Variants in CCDC47 observed in about 807,000 individuals in gnomAD.
CCDC47 encodes the protein PAT complex subunit CCDC47.
CCDC47 carries 41 observed loss-of-function variants against 60.5 expected under a neutral mutation model. The ratio of observed to expected loss-of-function variants is 0.68; its 90% CI spans 0.53 to 0.88. CCDC47 has a LOEUF of 0.88. Ranked by LOEUF, CCDC47 falls within the 40% of genes least tolerant of loss-of-function variation. The pLI is 0.00. For missense variants in CCDC47, 513 were observed against 580.9 expected (o/e 0.88, Z 1.20); for synonymous variants, 195 against 190.7 (o/e 1.02, Z -0.18).
chr17:63,761,161 G>C (rs1259753156), intron 5 of CCDC47, 69 bp downstream of exon 5: 25 of 1,583,428 alleles, frequency 1.6e-5, no homozygotes, highest in African/African-American at 2.7e-5. Context: ...TGCTGAATTG[G>C]GGGGCTGGGA....
chr17:63,753,470 G>A (rs1470569063), intron 9 of CCDC47: 1 of 219,028 alleles, frequency 4.6e-6, no homozygotes, highest in Non-Finnish European at 7.7e-6. Context: ...CTAAAATCCA[G>A]ATTGGCTTGA....
chr17:63,760,924 C>T lies in CCDC47; in HGVS notation c.725G>A (p.Ser242Asn), dbSNP rs368816732. 6.2e-6 allele frequency: 10 copies of T among 1,611,178 alleles called. No homozygotes were observed. Among genetic ancestry groups the T allele is most frequent in the Middle Eastern group, 1.6e-4 (1 of 6,080 alleles). ...NVLARMMRPV[S>N]DQVQIKVTMN... Reference sequence around the variant, plus strand: ...GGGAAGAATACATACCACTTGATCACTCACTGGCCTCATCATCCGGGCCAG... The same window carrying T: ...GGGAAGAATACATACCACTTGATCATTCACTGGCCTCATCATCCGGGCCAG... The change falls in exon 6 of 13, where the codon AGT (serine) becomes AAT (asparagine). Residue 242 changes from serine to asparagine, a missense_variant. Physicochemically the swap from Ser to Asn is conservative, Grantham distance 46. Transcript: ENST00000225726.
At chr17:63,760,125 A>C (rs918119190) in intron 6 of CCDC47, among the ~76,000 whole-genome samples, 2 of 152,070 alleles carry the variant, frequency 1.3e-5, no homozygotes, top group Non-Finnish European at 2.9e-5. Flanking sequence ...AAAGGACACA[A>C]TTTGCAGATA....
Position 63,754,531 on chromosome 17 carries a change from AAAT to A in CCDC47, c.949-16_949-14del, listed in dbSNP as rs550786416. ...GAAAGTGAACCATCTGAAAAAAAGA[AAAT>A]AATATTTTTTAAAAGCAAGGTTTAA... On this transcript the variant is annotated splice_polypyrimidine_tract_variant and intron_variant, in intron 8 of 12. Coordinates refer to ENST00000225726, the MANE Select transcript of CCDC47 (RefSeq NM_020198.3). 315 of 1,552,094 alleles carry A rather than the reference AAAT, an allele frequency of 2.0e-4. No homozygotes were observed. The African/African-American group carries it at 3.7e-3, about 18-fold the overall frequency.
intron 4 of CCDC47, 59 bp downstream of exon 4, chr17:63,763,957 C>A: frequency 7.1e-7 from 1 of 1,415,134 alleles, no homozygotes; most frequent in Non-Finnish European, 9.5e-7. Context: ...GAGGGGAATA[C>A]ATCATCCTTA....
intron 3 of CCDC47, among the ~76,000 whole-genome samples, 174 bp downstream of exon 3, chr17:63,764,564 ATT>A (rs1007349698): frequency 6.9e-6 from 1 of 145,732 alleles, no homozygotes; most frequent in African/African-American, 2.5e-5. Context: ...GTAGGTGTTG[ATT>A]TTTTTTTTTT....
In CCDC47 at chr17:63,746,862, T is replaced by G; in HGVS notation, c.*19A>C. The G allele has an allele frequency of 3.1e-6, 5 of 1,591,064 alleles. No homozygotes were observed. Among genetic ancestry groups the G allele is most frequent in the Non-Finnish European group, 4.3e-6 (5 of 1,159,284 alleles). On this transcript the variant is annotated 3_prime_UTR_variant, in exon 13 of 13. Transcript: ENST00000225726. Reference sequence around the variant, plus strand: ...CAGAGCTTACAGGTGGCATCAGAACTCAAATCTCTGGGATGGCTTTACATG... The same window carrying G: ...CAGAGCTTACAGGTGGCATCAGAACGCAAATCTCTGGGATGGCTTTACATG...
At position 63,746,805 on chromosome 17, in the gene CCDC47, T is replaced by A; in HGVS notation, c.*76A>T. On this transcript the variant is annotated 3_prime_UTR_variant, in exon 13 of 13. Transcript: ENST00000225726. ...CTGTCTGAAATTTAAGGTTGAGAAA[T>A]GGACTGGCGTTTTTCATGTTTCCTG... The A allele has an allele frequency of 9.4e-7, 1 of 1,061,040 alleles. No homozygotes were observed. Among genetic ancestry groups the A allele is most frequent in the South Asian group, 1.3e-5 (1 of 77,620 alleles). The allele number at this position is 1,061,040 out of a possible 1,614,324, so 65.7% of individuals were successfully genotyped here.
intron 9 of CCDC47, chr17:63,753,165 CCTATT>C (rs754195722): frequency 1.2e-4 from 64 of 535,828 alleles, no homozygotes; most frequent in Non-Finnish European, 1.4e-4. Context: ...ATTTCCAACT[CCTATT>C]CTATCTTCCT....
intron 6 of CCDC47, among the ~76,000 whole-genome samples, chr17:63,759,118 T>C (rs969445775): frequency 6.6e-6 from 1 of 151,792 alleles, no homozygotes. Flanking sequence ...TAAATTTTAG[T>C]GGACTAAGTC....
At chr17:63,764,580 G>A (rs1446322766) in intron 3 of CCDC47, among the ~76,000 whole-genome samples, 160 bp downstream of exon 3, 1 of 150,440 alleles carries the variant, frequency 6.6e-6, no homozygotes, top group African/African-American at 2.4e-5. Context: ...TTTTTTTTGA[G>A]ACGGAGAGGT....
intron 6 of CCDC47, among the ~76,000 whole-genome samples, chr17:63,756,948 G>A (rs1182920965): frequency 1.3e-5 from 2 of 152,106 alleles, no homozygotes. Context: ...GTGGTTCCCA[G>A]TTGACAGCTA....
At chr17:63,748,426 T>G (rs1275710453) in intron 12 of CCDC47, among the ~76,000 whole-genome samples, 1 of 152,008 alleles carries the variant, frequency 6.6e-6, no homozygotes, top group African/African-American at 2.4e-5. Context: ...CTTAGGTTTC[T>G]TTTCAATTTT....
intron 6 of CCDC47, among the ~76,000 whole-genome samples, chr17:63,759,492 A>AG (rs2039233012): frequency 4.9e-5 from 1 of 20,440 alleles, no homozygotes; most frequent in Non-Finnish European, 7.0e-5. Flanking sequence ...CTGTCTCCCA[A>AG]AAAAAAAAAA....
chr17:63,747,291 A>G (rs576240986), intron 12 of CCDC47: 144 of 984,734 alleles, frequency 1.5e-4, no homozygotes, highest in Non-Finnish European at 1.7e-4. Context: ...GATGTTCACC[A>G]TACCATTCAT....
At position 63,757,053 on chromosome 17, in the gene CCDC47, ACCCGATC is replaced by A. The variant is rs1453351709; in HGVS notation, c.736-490_736-484del. Among the ~76,000 whole-genome samples, 9 of 151,744 alleles carry A rather than the reference ACCCGATC, an allele frequency of 5.9e-5. No homozygotes were observed. In the East Asian group the frequency reaches 1.6e-3, roughly 26 times the overall value. On this transcript the variant is annotated intron_variant, in intron 6 of 12. Transcript: ENST00000225726. ...CTTGATGTCAGGAGTTTGAGACCAG[ACCCGATC>A]TCTAAAAAAGAAAGAAAAGGCCAGG...
chr17:63,761,160 G>A, intron 5 of CCDC47, 70 bp downstream of exon 5: 2 of 1,576,062 alleles, frequency 1.3e-6, no homozygotes, highest in Non-Finnish European at 1.7e-6. Flanking sequence ...ATGCTGAATT[G>A]GGGGGCTGGG....
chr17:63,746,978 TAATA>T lies in CCDC47; in HGVS notation c.1372-21_1372-18del. The T allele has an allele frequency of 1.2e-6, 2 of 1,612,212 alleles. No individual in the cohort carries two copies. The highest frequency in any genetic ancestry group is 1.7e-6 in the Non-Finnish European group (2 of 1,178,938). ...TGCAGCCTCCTAGAGAAAGAAGGGGTAATAAATAGAGAAAGGGAGTGGGGACGAG... is the reference window on the plus strand; with the variant it reads ...TGCAGCCTCCTAGAGAAAGAAGGGGTAATAGAGAAAGGGAGTGGGGACGAG... On this transcript the variant is annotated intron_variant, in intron 12 of 12. Coordinates refer to ENST00000225726, the MANE Select transcript of CCDC47 (RefSeq NM_020198.3).
intron 1 of CCDC47, among the ~76,000 whole-genome samples, chr17:63,769,699 G>A (rs1204550585): frequency 1.3e-5 from 2 of 151,608 alleles, no homozygotes; most frequent in African/African-American, 2.4e-5. Flanking sequence ...TTTCCCTGAG[G>A]CACAACGGAA....
Sources: allele counts gnomAD v4.1 joint callset (sites outside exome capture counted in the v4.1 genomes callset), GRCh38; gene constraint gnomAD v4.1.1; transcripts MANE v1.5; gene names NCBI Gene and HGNC (gene_info 2026-07-23, HGNC 2026-07-21).